Variants in CHD1 observed in about 807,000 individuals in gnomAD.
The protein encoded by CHD1 is chromodomain helicase DNA binding protein 1, also known as ATP-dependent chromatin remodeler CHD1.
A neutral mutation model predicts 224.2 loss-of-function variants in CHD1; 36 were observed. The observed-to-expected ratio is 0.16, with a 90% CI of 0.12 to 0.21. CHD1 has a LOEUF of 0.21. Ranked by LOEUF, CHD1 falls within the 10% of genes least tolerant of loss-of-function variation. The pLI, the probability that CHD1 is intolerant of heterozygous loss-of-function variation, is 1.00. For missense variants in CHD1, 1,378 were observed against 1,994.8 expected (o/e 0.69, Z 5.89); for synonymous variants, 668 against 658.3 (o/e 1.01, Z -0.23).
rs943336740 is a variant in CHD1 at position 98,856,230 on chromosome 5, A to G, written c.*150T>C. 1 of 606,482 alleles carries G rather than the reference A, an allele frequency of 1.6e-6. No homozygotes were observed. Among genetic ancestry groups the G allele is most frequent in the Non-Finnish European group, 2.9e-6 (1 of 340,436 alleles). 37.6% of individuals were successfully genotyped at this position (606,482 alleles called of 1,614,324 possible). ...TAAAAATATTTTCTCTTCTGTTGGG[A>G]TAATAGACCTTGCATCCTGGAAAGA... On this transcript the variant is annotated 3_prime_UTR_variant, in exon 36 of 36. Transcript: ENST00000614616.
intron 30 of CHD1, 90 bp downstream of exon 30, chr5:98,869,664 C>T: frequency 1.4e-6 from 2 of 1,397,496 alleles, no homozygotes; most frequent in East Asian, 2.4e-5. Flanking sequence ...ACTTCGGTAC[C>T]TAAAATATAA....
Position 98,892,608 on chromosome 5 carries a change from C to T in CHD1, c.2097G>A (p.Lys699=). The change falls in exon 15 of 36, where the codon AAG becomes AAA. Residue 699 remains lysine (K), a synonymous_variant. Coordinates refer to ENST00000614616, the MANE Select transcript of CHD1 (RefSeq NM_001270.4). ...ELEPFLLRRV[K]KDVEKSLPAK... is the part of the protein sequence containing the mutation. The stretch of plus-strand genomic sequence containing the variant: ...CAGGAAGAGATTTTTCCACATCTTT[C>T]TTAACTCGGCGTAACAGAAATGGCT... 6.2e-7 allele frequency: 1 copy of T among 1,613,880 alleles called. No homozygotes were observed. The highest frequency in any genetic ancestry group is 8.5e-7 in the Non-Finnish European group (1 of 1,179,800).
At position 98,871,828 on chromosome 5, in the gene CHD1, C is replaced by T. The variant is rs538404804; in HGVS notation, c.3861+223G>A. Among the ~76,000 whole-genome samples, 5 of 152,116 alleles carry T rather than the reference C, an allele frequency of 3.3e-5. No homozygotes were observed. The East Asian group carries it at 9.6e-4, about 29-fold the overall frequency. The stretch of plus-strand genomic sequence containing the variant: ...ACCTCGTAATTTGAAAAATAATACA[C>T]CTAATGCCTTAATAACATATAATTT... On this transcript the variant is annotated intron_variant, in intron 28 of 35. Transcript: ENST00000614616.
intron 2 of CHD1, among the ~76,000 whole-genome samples, chr5:98,911,146 A>AAAT (rs1491111295): frequency 4.1e-3 from 159 of 39,114 alleles, no homozygotes; most frequent in East Asian, 9.0e-3. Context: ...AAAAAAAAAA[A>AAAT]ATATATATAT....
chr5:98,896,830 C>A (rs1580456926), intron 11 of CHD1, among the ~76,000 whole-genome samples: 1 of 137,586 alleles, frequency 7.3e-6, no homozygotes, highest in African/African-American at 2.7e-5. Flanking sequence ...CCGAGATTCA[C>A]AAAAGTAGAG....
chr5:98,872,299 GCTTT>G, intron 27 of CHD1, 98 bp from the exon 28 acceptor site: 5 of 1,454,916 alleles, frequency 3.4e-6, no homozygotes, highest in South Asian at 2.6e-5. Context: ...AAAATAATAT[GCTTT>G]ATTTCTTCCT....
At chr5:98,868,349 AAAG>A in intron 31 of CHD1, 143 bp downstream of exon 31, 2 of 665,390 alleles carry the variant, frequency 3.0e-6, no homozygotes. Context: ...AAAAAAAAAA[AAAG>A]ACACCCTTCA....
At chr5:98,904,792 GT>G in intron 3 of CHD1, 104 bp downstream of exon 3, 1 of 1,004,870 alleles carries the variant, frequency 1.0e-6, no homozygotes, top group Non-Finnish European at 1.5e-6. Context: ...AATTTAAAAT[GT>G]TGTCTTCTCT....
At chr5:98,899,801 T>C (rs1387420173) in intron 7 of CHD1, 96 bp from the exon 8 acceptor site, 14 of 787,012 alleles carry the variant, frequency 1.8e-5, no homozygotes, top group Non-Finnish European at 2.9e-5. Flanking sequence ...CAAAAATATA[T>C]ACTCTTTTAA....
At chr5:98,911,146 A>AAAAAAT (rs1491111295) in intron 2 of CHD1, among the ~76,000 whole-genome samples, 27 of 39,132 alleles carry the variant, frequency 6.9e-4, no homozygotes, top group Non-Finnish European at 1.0e-3. Context: ...AAAAAAAAAA[A>AAAAAAT]ATATATATAT....
At position 98,872,425 on chromosome 5, in the gene CHD1, T is replaced by G; in HGVS notation, c.3702A>C (p.Glu1234Asp). Reference protein sequence around the residue: ...LHKSIPSDPEERKQYTIPCHT... With the variant: ...LHKSIPSDPEDRKQYTIPCHT... ...GAAAATAAATCACTCACTGCTTTCT[T>G]TCTTCTGGATCAGAAGGAATGGATT... Residue 1234 changes from glutamate (E) to aspartate (D), a missense_variant, in exon 27 of 36, where the codon GAA becomes GAC. By Grantham distance (45) the Glu-to-Asp change is conservative. Around this residue, in one of 16 missense-constraint regions of CHD1, gnomAD observed 286 missense variants for 445.1 expected, o/e 0.64. Transcript: ENST00000614616. The G allele has an allele frequency of 1.2e-6, 2 of 1,607,420 alleles. No homozygotes were observed. The highest frequency in any genetic ancestry group is 2.3e-5 in the South Asian group (2 of 88,368).
chr5:98,918,784 C>G (rs1752913812), intron 2 of CHD1, among the ~76,000 whole-genome samples: 1 of 150,842 alleles, frequency 6.6e-6, no homozygotes. Context: ...AAAAAAACTT[C>G]CTCTCCAACA....
intron 8 of CHD1, 48 bp from the exon 9 acceptor site, chr5:98,898,812 A>G (rs1460102731): frequency 3.0e-6 from 3 of 1,003,084 alleles, no homozygotes; most frequent in Non-Finnish European, 4.7e-6. Flanking sequence ...TCCCATAAAT[A>G]ACCTTTCACT....
intron 2 of CHD1, 39 bp from the exon 3 acceptor site, chr5:98,905,137 T>A: frequency 6.2e-7 from 1 of 1,607,868 alleles, no homozygotes; most frequent in Non-Finnish European, 8.5e-7. Flanking sequence ...CAAAATTCAT[T>A]AGGAATTTAA....
chr5:98,871,084 A>C (rs1413559038), intron 28 of CHD1, among the ~76,000 whole-genome samples: 1 of 152,076 alleles, frequency 6.6e-6, no homozygotes, highest in Non-Finnish European at 1.5e-5. Context: ...TCAAATATAC[A>C]AAAGTGTACT....
chr5:98,894,597 C>A lies in CHD1; in HGVS notation c.1800G>T (p.Lys600Asn). 1.7e-6 allele frequency: 2 copies of A among 1,198,814 alleles called. No individual in the cohort carries two copies. Among genetic ancestry groups the A allele is most frequent in the South Asian group, 2.8e-5 (2 of 70,708 alleles). The allele number at this position is 1,198,814 out of a possible 1,614,324, so 74.3% of individuals were successfully genotyped here. A position where few individuals can be genotyped will look rare whatever the true frequency, so the allele number is the denominator to read the frequency against. ...AAACACGTGAGAAATAAATACATAC[C>A]TTATCTTTTAATAAAATTTCATAAG... ...LTTYEILLKD[K>N]AFLGGLNWAF... The change falls in exon 13 of 36, where the codon AAG (lysine) becomes AAT (asparagine). Residue 600 changes from lysine to asparagine, a missense_variant and splice_region_variant. Physicochemically the swap from Lys to Asn is moderately conservative, Grantham distance 94. Transcript: ENST00000614616.
intron 2 of CHD1, among the ~76,000 whole-genome samples, chr5:98,907,248 T>C (rs1044630253): frequency 6.6e-6 from 1 of 152,242 alleles, no homozygotes; most frequent in African/African-American, 2.4e-5. Flanking sequence ...TTAGAAATAC[T>C]GAATAAAGTA....
chr5:98,893,009 G>A (rs1751116661), intron 14 of CHD1, among the ~76,000 whole-genome samples: 1 of 152,002 alleles, frequency 6.6e-6, no homozygotes, highest in Non-Finnish European at 1.5e-5. Context: ...TTAAAGTTCT[G>A]GACCTACTGA....
In CHD1 at chr5:98,856,594, T is replaced by C; in HGVS notation, c.4919A>G (p.His1640Arg). Reference protein sequence around the residue: ...DHRSHSDHRLHSDHRSSSEYT... With the variant: ...DHRSHSDHRLRSDHRSSSEYT... ...TTCAGAACTTGACCGGTGGTCTGAA[T>C]GTAACCGATGATCTGAGTGAGAACG... The change falls in exon 36 of 36, where the codon CAT becomes CGT. Residue 1640 changes from histidine to arginine, a missense_variant. By Grantham distance (29) the His-to-Arg change is conservative. Coordinates refer to ENST00000614616, the MANE Select transcript of CHD1 (RefSeq NM_001270.4). 6.2e-7 allele frequency: 1 copy of C among 1,613,876 alleles called. No homozygotes were observed. The highest frequency in any genetic ancestry group is 8.5e-7 in the Non-Finnish European group (1 of 1,179,800).
Sources: allele counts gnomAD v4.1 joint callset (sites outside exome capture counted in the v4.1 genomes callset), GRCh38; gene constraint gnomAD v4.1.1; regional missense constraint gnomAD v4.1.1; transcripts MANE v1.5; gene names NCBI Gene and HGNC (gene_info 2026-07-23, HGNC 2026-07-21).